LVRN: variants seen among roughly 807,000 people sequenced by gnomAD.
The protein encoded by LVRN is aminopeptidase Q.
In LVRN, 99 loss-of-function variants were observed where a neutral mutation model predicts 111.4. That is an observed-to-expected ratio of 0.89 (90% confidence interval 0.76 to 1.05). LVRN has a LOEUF of 1.05. LVRN is among the 50% of genes least tolerant of loss of function. LVRN has a pLI of 0.00. For synonymous variants in LVRN, 488 were observed against 449.5 expected, an observed-to-expected ratio of 1.09 and a Z score of -1.08; for missense variants, 1,414 against 1,206.8, an observed-to-expected ratio of 1.17 and a Z score of -2.54.
At chr5:115,987,750 A>G in intron 3 of LVRN, 63 bp from the exon 4 acceptor site, 4 of 1,545,904 alleles carry the variant, frequency 2.6e-6, no homozygotes, top group Non-Finnish European at 3.5e-6. Flanking sequence ...TGGAGCAAGC[A>G]GACTACCTCT....
intron 19 of LVRN, among the ~76,000 whole-genome samples, chr5:116,024,354 G>T (rs892958715): frequency 6.6e-6 from 1 of 152,034 alleles, no homozygotes; most frequent in South Asian, 2.1e-4. Flanking sequence ...AAATACATAT[G>T]TGGGTCATAA....
intron 1 of LVRN, among the ~76,000 whole-genome samples, chr5:115,981,000 G>A (rs1228028251): frequency 6.6e-6 from 1 of 152,076 alleles, no homozygotes; most frequent in African/African-American, 2.4e-5. Flanking sequence ...GAAAATTTAA[G>A]TGGTATATTA....
intron 18 of LVRN, among the ~76,000 whole-genome samples, chr5:116,016,184 T>G (rs1748598934): frequency 6.6e-6 from 1 of 152,192 alleles, no homozygotes; most frequent in Admixed American, 6.6e-5. Flanking sequence ...TGCTAATAGT[T>G]TTGTTTGAAT....
chr5:116,000,688 G>C (rs1200868812), intron 9 of LVRN, 30 bp downstream of exon 9: 1 of 1,607,766 alleles, frequency 6.2e-7, no homozygotes, highest in East Asian at 2.2e-5. Flanking sequence ...ACACATTCTT[G>C]CTGAGTTGTT....
intron 19 of LVRN, among the ~76,000 whole-genome samples, chr5:116,025,081 G>A (rs1424242139): frequency 6.6e-6 from 1 of 152,018 alleles, no homozygotes; most frequent in Admixed American, 6.6e-5. Flanking sequence ...ACCACTACAG[G>A]AGCCCAATCC....
chr5:116,001,393 C>G (rs1748237406), intron 10 of LVRN, among the ~76,000 whole-genome samples, 154 bp downstream of exon 10: 1 of 152,126 alleles, frequency 6.6e-6, no homozygotes. Context: ...GCCCTTGTGT[C>G]CGGGCAACGC....
At chr5:116,001,006 T>C in intron 9 of LVRN, 61 bp from the exon 10 acceptor site, 1 of 1,517,132 alleles carries the variant, frequency 6.6e-7, no homozygotes, top group Admixed American at 2.3e-5. Flanking sequence ...TTTTGGAGAT[T>C]GCTACTTCAA....
chr5:116,016,036 T>C (rs1481415024), intron 18 of LVRN, among the ~76,000 whole-genome samples: 1 of 152,264 alleles, frequency 6.6e-6, no homozygotes, highest in Non-Finnish European at 1.5e-5. Context: ...TTGCCTATTC[T>C]ACTTCTGGTG....
In LVRN at chr5:115,962,986, G is replaced by C; in HGVS notation, c.369G>C (p.Gly123=). The C allele has an allele frequency of 6.2e-7, 1 of 1,613,556 alleles. No homozygotes were observed. The change falls in exon 1 of 20, where the codon GGG becomes GGC. Residue 123 remains glycine, a synonymous_variant. Transcript: ENST00000357872. ...TGAGGCCCGACGAGCTTCCGGCCGG[G>C]TCTTTGCCCTTCACTGGCCGCGTGA... ...PQLRPDELPA[G]SLPFTGRVNI...
Position 116,002,851 on chromosome 5 carries a change from C to A in LVRN, c.1837C>A (p.Pro613Thr). The change falls in exon 11 of 20, where the codon CCT becomes ACT. Residue 613 changes from proline (P) to threonine (T), a missense_variant. By Grantham distance (38) the Pro-to-Thr change is conservative (BLOSUM62 -1). Transcript: ENST00000357872. ...TCCAATAAGTGACACATGGATTGTC[C>A]CTATTCTTTGGATAAAAAATGGAAC... ...LLTSNDTWIV[P>T]ILWIKNGTTQ... is the part of the protein sequence containing the mutation. The A allele has an allele frequency of 6.2e-7, 1 of 1,607,736 alleles. No individual in the cohort carries two copies. Among genetic ancestry groups the A allele is most frequent in the Non-Finnish European group, 8.5e-7 (1 of 1,175,416 alleles).
chr5:115,996,219 A>G (rs903526459), intron 6 of LVRN, among the ~76,000 whole-genome samples: 12 of 152,250 alleles, frequency 7.9e-5, no homozygotes, highest in African/African-American at 2.7e-4. Context: ...TCTTAAGTAG[A>G]TAGAATACAT....
chr5:115,983,286 GGGCC>G lies in LVRN; in HGVS notation c.696_699del (p.Arg232SerfsTer3). 1 of 1,573,180 alleles carries G rather than the reference GGGCC, an allele frequency of 6.4e-7. No individual in the cohort carries two copies. The highest frequency in any genetic ancestry group is 8.6e-7 in the Non-Finnish European group (1 of 1,166,952). On this transcript the variant is annotated frameshift_variant and splice_region_variant, in exon 2 of 20. Coordinates refer to ENST00000357872, the MANE Select transcript of LVRN (RefSeq NM_173800.5). LOFTEE classifies it high-confidence loss of function. The stretch of plus-strand genomic sequence containing the variant: ...AAAAATTTCCCCAAAATGTATTTCA[GGGCC>G]CTGTTAGCGTCCCAGCTGGAACCAA...
chr5:115,972,178 A>T (rs1158550284), intron 1 of LVRN, among the ~76,000 whole-genome samples: 1 of 152,108 alleles, frequency 6.6e-6, no homozygotes, highest in Non-Finnish European at 1.5e-5. Flanking sequence ...TTGATAAATG[A>T]GCTTCATTAA....
intron 18 of LVRN, among the ~76,000 whole-genome samples, chr5:116,020,480 A>T (rs1173589817): frequency 6.6e-6 from 1 of 152,256 alleles, no homozygotes; most frequent in African/African-American, 2.4e-5. Context: ...CAACCTGTCC[A>T]AAATGAATCT....
At chr5:115,996,565 TTGAG>T (rs1412427034) in intron 6 of LVRN, among the ~76,000 whole-genome samples, 2 of 152,170 alleles carry the variant, frequency 1.3e-5, no homozygotes, top group Admixed American at 6.6e-5. Flanking sequence ...GTGATTGAAA[TTGAG>T]TAACAGAATC....
chr5:115,987,906 T>C lies in LVRN; in HGVS notation c.1072T>C (p.Leu358=), dbSNP rs1158878123. Reference sequence around the variant, plus strand: ...TCCCATCTTCTCTTTTCTGGAGGATTTGTTTAATATCAGTTACTCTCTTCC... The same window carrying C: ...TCCCATCTTCTCTTTTCTGGAGGATCTGTTTAATATCAGTTACTCTCTTCC... ...TGPIFSFLED[L]FNISYSLPKT... The change falls in exon 4 of 20, where the codon TTG becomes CTG. Residue 358 remains leucine (L), a synonymous_variant. Transcript: ENST00000357872. 1 of 1,613,102 alleles carries C rather than the reference T, an allele frequency of 6.2e-7. No homozygotes were observed. Among genetic ancestry groups the C allele is most frequent in the South Asian group, 1.1e-5 (1 of 90,914 alleles).
chr5:115,972,360 C>G (rs1479548052), intron 1 of LVRN, among the ~76,000 whole-genome samples: 1 of 150,986 alleles, frequency 6.6e-6, no homozygotes, highest in Non-Finnish European at 1.5e-5. Context: ...TTTTAAATAT[C>G]TATTGTTAAT....
At chr5:116,012,647 G>A (rs886506439) in intron 15 of LVRN, among the ~76,000 whole-genome samples, 179 bp downstream of exon 15, 4 of 152,154 alleles carry the variant, frequency 2.6e-5, no homozygotes, top group Admixed American at 2.0e-4. Context: ...GAAGTTAATC[G>A]TTTGAGATCT....
At chr5:115,980,975 C>T (rs1753549176) in intron 1 of LVRN, among the ~76,000 whole-genome samples, 1 of 152,096 alleles carries the variant, frequency 6.6e-6, no homozygotes, top group Non-Finnish European at 1.5e-5. Context: ...CCTTAGAGAT[C>T]ATCTACATTT....
Sources: gnomAD v4.1 joint callset for allele counts (sites outside exome capture counted in the v4.1 genomes callset) on GRCh38, gnomAD v4.1.1 for gene constraint, MANE v1.5 for transcripts, NCBI Gene and HGNC (gene_info 2026-07-23, HGNC 2026-07-21) for gene names.